SCARB2: variants seen among roughly 807,000 people sequenced by gnomAD.
SCARB2 encodes the protein lysosome membrane protein 2.
SCARB2 carries 29 observed loss-of-function variants against 58.6 expected under a neutral mutation model. The ratio of observed to expected loss-of-function variants is 0.49; its 90% CI spans 0.37 to 0.67. The LOEUF is 0.67. Among genes scored for constraint, SCARB2 ranks in the 30% least tolerant of loss-of-function variants. The pLI is 0.00. For synonymous variants in SCARB2, 195 were observed against 210.1 expected, an observed-to-expected ratio of 0.93 and a Z score of 0.62; for missense variants, 488 against 578.5, an observed-to-expected ratio of 0.84 and a Z score of 1.60.
intron 2 of SCARB2, 71 bp downstream of exon 2, chr4:76,195,636 A>C (rs981052763): frequency 2.5e-5 from 33 of 1,335,862 alleles, no homozygotes; most frequent in Non-Finnish European, 3.6e-5. Context: ...GCTCCTGGGA[A>C]GAGGCAAGGA....
At chr4:76,204,359 C>G (rs28655570) in intron 1 of SCARB2, among the ~76,000 whole-genome samples, 4,716 of 152,220 alleles carry the variant, frequency 0.031, 212 homozygotes, top group African/African-American at 0.11. Context: ...AACTCATTTT[C>G]ATTTTGCAAC....
intron 1 of SCARB2, among the ~76,000 whole-genome samples, chr4:76,202,720 C>G (rs1275005430): frequency 6.6e-6 from 1 of 152,138 alleles, no homozygotes; most frequent in Non-Finnish European, 1.5e-5. Context: ...TTATTTCCCT[C>G]TGGTCTAGTC....
At chr4:76,196,723 T>A (rs1039020936) in intron 1 of SCARB2, among the ~76,000 whole-genome samples, 5 of 152,160 alleles carry the variant, frequency 3.3e-5, no homozygotes, top group Admixed American at 6.5e-5. Context: ...GAACTGCCTA[T>A]CCCCGTTTCA....
chr4:76,185,699 C>T lies in SCARB2; in HGVS notation c.276-4598G>A, dbSNP rs951204286. 3.0e-4 allele frequency among the ~76,000 whole-genome samples: 46 copies of T among 152,180 alleles called. 1 individual carries two copies. The highest frequency in any genetic ancestry group is 1.0e-3 in the African/African-American group (42 of 41,452). On this transcript the variant is annotated intron_variant, in intron 2 of 11. Transcript: ENST00000264896. Reference sequence around the variant, plus strand: ...TCAGAGGTGTTTGATAAATTGGATGCGTATAATACTATCATAGTATCGTTA... The same window carrying T: ...TCAGAGGTGTTTGATAAATTGGATGTGTATAATACTATCATAGTATCGTTA...
At chr4:76,181,149 A>G in intron 2 of SCARB2, 48 bp from the exon 3 acceptor site, 3 of 1,568,516 alleles carry the variant, frequency 1.9e-6, no homozygotes, top group East Asian at 2.2e-5. Context: ...CCACTTTAAT[A>G]AGCAAGACTT....
At chr4:76,203,120 G>A (rs1156634809) in intron 1 of SCARB2, among the ~76,000 whole-genome samples, 1 of 152,104 alleles carries the variant, frequency 6.6e-6, no homozygotes, top group South Asian at 2.1e-4. Flanking sequence ...GATTACAGGT[G>A]CACACCACTA....
At chr4:76,229,479 T>C (rs1049039644) in intron 1 of SCARB2, among the ~76,000 whole-genome samples, 12 of 152,198 alleles carry the variant, frequency 7.9e-5, no homozygotes, top group African/African-American at 2.9e-4. Flanking sequence ...ACTGTTTCAG[T>C]GGAAAAAGCT....
At chr4:76,171,272 AT>A (rs1732124271) in intron 7 of SCARB2, among the ~76,000 whole-genome samples, 1 of 152,176 alleles carries the variant, frequency 6.6e-6, no homozygotes, top group Admixed American at 6.5e-5. Flanking sequence ...TGAGGGCTTA[AT>A]AGGGGCTACT....
At chr4:76,187,171 G>A (rs941568707) in intron 2 of SCARB2, among the ~76,000 whole-genome samples, 1 of 152,136 alleles carries the variant, frequency 6.6e-6, no homozygotes, top group Non-Finnish European at 1.5e-5. Flanking sequence ...TAAGAAAATC[G>A]ACTTGAACAT....
intron 9 of SCARB2, among the ~76,000 whole-genome samples, chr4:76,168,058 T>C (rs1732052538): frequency 6.6e-6 from 1 of 151,682 alleles, no homozygotes; most frequent in South Asian, 2.1e-4. Flanking sequence ...CTTAGTGGAG[T>C]GGATAAAAGT....
intron 2 of SCARB2, among the ~76,000 whole-genome samples, chr4:76,181,954 G>A (rs1198673882): frequency 2.6e-5 from 4 of 152,162 alleles, no homozygotes; most frequent in African/African-American, 4.8e-5. Context: ...TGGTGCCAGG[G>A]CTGGGCCTAG....
At position 76,161,562 on chromosome 4, in the gene SCARB2, C is replaced by T. The variant is rs1046994355; in HGVS notation, c.*151G>A. 5.0e-6 allele frequency: 4 copies of T among 792,110 alleles called. No homozygotes were observed. Among genetic ancestry groups the T allele is most frequent in the Non-Finnish European group, 8.8e-6 (4 of 455,720 alleles). 49.1% of individuals were successfully genotyped at this position (792,110 alleles called of 1,614,324 possible). A position where few individuals can be genotyped will look rare whatever the true frequency, so the allele number is the denominator to read the frequency against. ...CAGCCATGTCAGCCTGCTCTTTAAC[C>T]TCTGGCCAGAATGTTCCTATCACTT... is the stretch of plus-strand genomic sequence containing the variant. On this transcript the variant is annotated 3_prime_UTR_variant, in exon 12 of 12. Coordinates refer to ENST00000264896, the MANE Select transcript of SCARB2 (RefSeq NM_005506.4).
At chr4:76,194,211 A>G (rs2109959695) in intron 2 of SCARB2, 1 of 152,292 alleles carries the variant, frequency 6.6e-6, no homozygotes, top group East Asian at 1.9e-4. Context: ...TACAGCCTGC[A>G]GAACCATGAG....
At chr4:76,203,179 G>A (rs1215886128) in intron 1 of SCARB2, among the ~76,000 whole-genome samples, 1 of 151,948 alleles carries the variant, frequency 6.6e-6, no homozygotes, top group African/African-American at 2.4e-5. Flanking sequence ...TTAACCATGT[G>A]GGCCAGGCTG....
At chr4:76,193,071 G>A in intron 2 of SCARB2, 1 of 152,438 alleles carries the variant, frequency 6.6e-6, no homozygotes, top group Non-Finnish European at 1.5e-5. Context: ...CAGGCCAGGG[G>A]CACTACTTCC....
intron 7 of SCARB2, 101 bp from the exon 8 acceptor site, chr4:76,170,086 C>CA (rs1732098984): frequency 1.0e-6 from 1 of 989,958 alleles, no homozygotes; most frequent in Non-Finnish European, 1.6e-6. Context: ...TAAAGAAAAA[C>CA]AAAAAAGCTA....
intron 11 of SCARB2, 94 bp from the exon 12 acceptor site, chr4:76,161,845 G>C: frequency 8.4e-7 from 1 of 1,183,936 alleles, no homozygotes; most frequent in Non-Finnish European, 1.3e-6. Flanking sequence ...GGCATGGAAG[G>C]AGGAGAGACC....
rs1237612460 is a variant in SCARB2 at position 76,158,802 on chromosome 4, CAA to C, written c.*2909_*2910del. On this transcript the variant is annotated 3_prime_UTR_variant, in exon 12 of 12. Coordinates refer to ENST00000264896, the MANE Select transcript of SCARB2 (RefSeq NM_005506.4). ...GCATTAAGGGTAGAAATAAACATGT[CAA>C]GAACCGCATGAAGTGAACCAACTGT... is the stretch of plus-strand genomic sequence containing the variant. 2 of 152,166 alleles carry C rather than the reference CAA, an allele frequency of 1.3e-5. No homozygotes were observed. Among genetic ancestry groups the C allele is most frequent in the Non-Finnish European group, 2.9e-5 (2 of 68,030 alleles). 9.4% of individuals were successfully genotyped at this position (152,166 alleles called of 1,614,324 possible). A position where few individuals can be genotyped will look rare whatever the true frequency, so the allele number is the denominator to read the frequency against.
chr4:76,190,325 A>G (rs919033523), intron 2 of SCARB2, among the ~76,000 whole-genome samples: 4 of 152,166 alleles, frequency 2.6e-5, no homozygotes, highest in Non-Finnish European at 5.9e-5. Flanking sequence ...GACATTTTAA[A>G]TAAGATGTAA....
Sources: allele counts gnomAD v4.1 joint callset (sites outside exome capture counted in the v4.1 genomes callset), GRCh38; gene constraint gnomAD v4.1.1; transcripts MANE v1.5; gene names NCBI Gene and HGNC (gene_info 2026-07-23, HGNC 2026-07-21).